The following LIPA variants were observed in gnomAD, a reference collection of about 807,000 sequenced individuals.
LIPA encodes lipase A, lysosomal acid type, also known as lysosomal acid lipase/cholesteryl ester hydrolase.
A neutral mutation model predicts 40.6 loss-of-function variants in LIPA; 26 were observed. That is an observed-to-expected ratio of 0.64 (90% CI 0.47 to 0.89). The LOEUF is 0.89. LIPA is among the 40% of genes least tolerant of loss of function. LIPA has a pLI of 0.00. For missense variants in LIPA, 455 were observed against 479.6 expected, an observed-to-expected ratio of 0.95 and a Z score of 0.48; for synonymous variants, 188 against 168.4, an observed-to-expected ratio of 1.12 and a Z score of -0.90.
At chr10:89,274,069 G>A (rs1467701909) in intron 1 of LIPA, among the ~76,000 whole-genome samples, 2 of 152,148 alleles carry the variant, frequency 1.3e-5, no homozygotes, top group South Asian at 4.1e-4. Flanking sequence ...ATAGACATAA[G>A]TCACATTCCT....
intron 1 of LIPA, chr10:89,291,992 AG>A (rs1427561509): frequency 6.6e-6 from 1 of 152,168 alleles, no homozygotes; most frequent in African/African-American, 2.4e-5. Context: ...TCCAGGCTCT[AG>A]GGGATGGTAG....
At chr10:89,215,557 A>AT (rs1051364513) in intron 9 of LIPA, among the ~76,000 whole-genome samples, 1 of 152,254 alleles carries the variant, frequency 6.6e-6, no homozygotes, top group African/African-American at 2.4e-5. Context: ...ACTTCAGTGC[A>AT]TTTAGCATGC....
At chr10:89,302,155 AGT>A in intron 1 of LIPA, 2 of 1,612,856 alleles carry the variant, frequency 1.2e-6, no homozygotes, top group South Asian at 2.2e-5. Flanking sequence ...CGTATTCGGT[AGT>A]GCTGTTGAGT....
At chr10:89,307,246 T>G (rs1216537686) in intron 1 of LIPA, 1 of 1,614,086 alleles carries the variant, frequency 6.2e-7, no homozygotes, top group East Asian at 2.2e-5. Context: ...GAGCAGATTC[T>G]GAGGCTTTGC....
At chr10:89,327,668 T>C (rs951911774) in intron 1 of LIPA, among the ~76,000 whole-genome samples, 3 of 152,204 alleles carry the variant, frequency 2.0e-5, no homozygotes, top group African/African-American at 7.2e-5. Context: ...AGGTTAACTT[T>C]GGAATGCCCT....
intron 8 of LIPA, among the ~76,000 whole-genome samples, chr10:89,220,696 C>G (rs9651426): frequency 0.037 from 5,664 of 152,170 alleles, 319 homozygotes; most frequent in African/African-American, 0.12. Flanking sequence ...CCAGGAGCCT[C>G]AGGCCAGGCT....
At chr10:89,383,998 G>A (rs752202646) in intron 2 of LIPA, 11 of 1,614,212 alleles carry the variant, frequency 6.8e-6, no homozygotes, top group Admixed American at 1.7e-5. Flanking sequence ...GAAGCTTCAG[G>A]ATGAAGGACA....
chr10:89,243,362 T>C (rs1842985353), intron 3 of LIPA, among the ~76,000 whole-genome samples: 1 of 152,182 alleles, frequency 6.6e-6, no homozygotes, highest in Admixed American at 6.5e-5. Flanking sequence ...GACTCCCCAC[T>C]GAGGTTAGCT....
chr10:89,352,141 T>C (rs1843962626), intron 2 of LIPA, among the ~76,000 whole-genome samples: 1 of 152,212 alleles, frequency 6.6e-6, no homozygotes, highest in Non-Finnish European at 1.5e-5. Flanking sequence ...ATTCCTTTAT[T>C]GCCTTTAGCC....
rs1210567656 is a variant in LIPA at position 89,403,467 on chromosome 10, G to A, written c.61+9324C>T. 4 of 1,613,166 alleles carry A rather than the reference G, an allele frequency of 2.5e-6. No homozygotes were observed. Among genetic ancestry groups the A allele is most frequent in the Middle Eastern group, 1.7e-4 (1 of 6,056 alleles). On this transcript the variant is annotated intron_variant, in intron 2 of 8. Coordinates refer to the LIPA transcript ENST00000371837. The stretch of plus-strand genomic sequence containing the variant: ...ATTTCAAAAGAAATCTGACGTCAAT[G>A]CAATTATCCATTATTTAAAAGCTAT...
chr10:89,352,027 G>A (rs1843962008), intron 2 of LIPA, among the ~76,000 whole-genome samples: 1 of 152,188 alleles, frequency 6.6e-6, no homozygotes, highest in African/African-American at 2.4e-5. Flanking sequence ...CGGCCACGAT[G>A]GAATGTAAAG....
chr10:89,224,748 C>T (rs1302016231), intron 6 of LIPA, among the ~76,000 whole-genome samples: 2 of 152,180 alleles, frequency 1.3e-5, no homozygotes, highest in Non-Finnish European at 2.9e-5. Flanking sequence ...CTCCCATCTC[C>T]TACATCCTCT....
intron 2 of LIPA, chr10:89,384,797 T>A: frequency 7.3e-7 from 1 of 1,374,038 alleles, no homozygotes. Context: ...GACTATGAAA[T>A]TAAATAATGC....
In LIPA at chr10:89,401,585, G is replaced by A. The variant is rs1459754637; in HGVS notation, c.61+11206C>T. ...AGTTTCGTTTCTTTATCAAAGTGGT[G>A]GTCTCATAGGCTTACGTGAAAAAAA... On this transcript the variant is annotated intron_variant, in intron 2 of 8. Coordinates refer to the LIPA transcript ENST00000371837. Among the ~76,000 whole-genome samples the A allele has an allele frequency of 2.6e-5, 4 of 152,054 alleles. No homozygotes were observed. In the East Asian group the frequency reaches 7.7e-4, roughly 29 times the overall value.
At chr10:89,382,140 GTTATA>G (rs754137539) in intron 2 of LIPA, among the ~76,000 whole-genome samples, 73 of 151,926 alleles carry the variant, frequency 4.8e-4, no homozygotes, top group African/African-American at 1.3e-3. Flanking sequence ...TTAGATTATG[GTTATA>G]TTATATTATA....
upstream of LIPA, among the ~76,000 whole-genome samples, chr10:89,255,184 A>G (rs931704108): frequency 2.6e-5 from 4 of 152,222 alleles, no homozygotes; most frequent in African/African-American, 9.7e-5. Flanking sequence ...GCTGCTAATA[A>G]AGACATACCC....
At chr10:89,223,630 T>G in intron 7 of LIPA, 54 bp downstream of exon 7, 3 of 1,386,234 alleles carry the variant, frequency 2.2e-6, no homozygotes, top group Non-Finnish European at 3.1e-6. Context: ...TCAACACAAA[T>G]AAGCACATTC....
intron 2 of LIPA, among the ~76,000 whole-genome samples, chr10:89,377,708 T>C (rs1844132312): frequency 1.3e-5 from 2 of 152,320 alleles, no homozygotes; most frequent in Non-Finnish European, 2.9e-5. Flanking sequence ...CCTGGCGGGA[T>C]ACATGTGATA....
intron 2 of LIPA, chr10:89,378,151 T>C (rs1844136216): frequency 6.2e-7 from 1 of 1,613,902 alleles, no homozygotes; most frequent in Non-Finnish European, 8.5e-7. Context: ...GTAAAGTCTT[T>C]CTCTGCTTCA....
Sources: allele counts gnomAD v4.1 joint callset (sites outside exome capture counted in the v4.1 genomes callset), GRCh38; gene constraint gnomAD v4.1.1; transcripts MANE v1.5; gene names NCBI Gene and HGNC (gene_info 2026-07-23, HGNC 2026-07-21).